SCFD2: variants seen among roughly 807,000 people sequenced by gnomAD.
SCFD2 encodes sec1 family domain-containing protein 2.
SCFD2 carries 54 observed loss-of-function variants against 58.9 expected under a neutral mutation model. That is an observed-to-expected ratio of 0.92 (90% CI 0.74 to 1.15). The LOEUF is 1.15. SCFD2 is among the 50% of genes most tolerant of loss of function. SCFD2 has a pLI of 0.00. For missense variants in SCFD2, 805 were observed against 836.6 expected, an observed-to-expected ratio of 0.96 and a Z score of 0.47; for synonymous variants, 321 against 335.9, an observed-to-expected ratio of 0.96 and a Z score of 0.49.
intron 4 of SCFD2, among the ~76,000 whole-genome samples, chr4:53,249,066 A>G (rs1187927323): frequency 2.0e-5 from 3 of 152,212 alleles, no homozygotes. Flanking sequence ...AAAAAAATTT[A>G]GACGATTGTA....
chr4:53,036,111 C>T (rs1408301525), intron 5 of SCFD2, among the ~76,000 whole-genome samples: 2 of 151,440 alleles, frequency 1.3e-5, no homozygotes, highest in Non-Finnish European at 2.9e-5. Flanking sequence ...GCACAATGTG[C>T]AGGTTTGTTA....
chr4:53,279,554 G>T (rs942939658), intron 3 of SCFD2, among the ~76,000 whole-genome samples: 3 of 152,254 alleles, frequency 2.0e-5, no homozygotes, highest in Non-Finnish European at 4.4e-5. Context: ...TGGGTAAAAG[G>T]TTACAGATTT....
chr4:53,182,937 C>A (rs1436285135), intron 4 of SCFD2, among the ~76,000 whole-genome samples: 1 of 152,130 alleles, frequency 6.6e-6, no homozygotes, highest in East Asian at 1.9e-4. Context: ...GAATGCAAAT[C>A]AAAACCACAA....
intron 4 of SCFD2, among the ~76,000 whole-genome samples, chr4:53,262,207 G>T (rs1353072698): frequency 1.3e-5 from 2 of 152,088 alleles, no homozygotes; most frequent in South Asian, 4.2e-4. Context: ...TATCCATTCT[G>T]CCATATTGTA....
intron 5 of SCFD2, among the ~76,000 whole-genome samples, chr4:53,114,869 T>C (rs1725276733): frequency 1.3e-5 from 2 of 152,118 alleles, no homozygotes; most frequent in South Asian, 4.1e-4. Context: ...GATTTAGAGA[T>C]ATATGAGTAA....
At chr4:53,218,762 T>C (rs567790842) in intron 4 of SCFD2, among the ~76,000 whole-genome samples, 2 of 152,280 alleles carry the variant, frequency 1.3e-5, no homozygotes, top group East Asian at 3.9e-4. Context: ...TTTTTCCCCA[T>C]CTTTGTGGTT....
intron 5 of SCFD2, among the ~76,000 whole-genome samples, chr4:52,978,137 AAGG>A (rs1306393486): frequency 6.6e-6 from 1 of 152,210 alleles, no homozygotes; most frequent in African/African-American, 2.4e-5. Context: ...CATGGAATGA[AAGG>A]AGAATTGTGG....
chr4:52,952,865 G>A (rs1720633087), intron 5 of SCFD2, among the ~76,000 whole-genome samples: 1 of 152,178 alleles, frequency 6.6e-6, no homozygotes, highest in Admixed American at 6.5e-5. Context: ...ATCTTCATGT[G>A]ACTGAACCAT....
chr4:53,255,777 C>G (rs1047873812), intron 4 of SCFD2, among the ~76,000 whole-genome samples: 1 of 151,762 alleles, frequency 6.6e-6, no homozygotes, highest in Non-Finnish European at 1.5e-5. Context: ...CCTCACTTCC[C>G]AGTAGGGGCG....
chr4:53,313,654 G>T lies in SCFD2; in HGVS notation c.1117C>A (p.Pro373Thr). The T allele has an allele frequency of 1.2e-6, 2 of 1,613,940 alleles. No individual in the cohort carries two copies. The highest frequency in any genetic ancestry group is 1.7e-6 in the Non-Finnish European group (2 of 1,179,882). ...GGCTTACCCATACTCATCTTGATTG[G>T]CAGGTTTTCTCTGCTTGCCGCTTCC... The part of the protein sequence containing the change: ...LVEAASRENL[P>T]IKMSMGRVTP... Residue 373 changes from proline (P) to threonine (T), a missense_variant, in exon 3 of 9, where the codon CCA becomes ACA. Pro to Thr is a conservative substitution (Grantham distance 38). Coordinates refer to ENST00000401642, the MANE Select transcript of SCFD2 (RefSeq NM_152540.4).
chr4:53,273,924 C>T lies in SCFD2; in HGVS notation c.1213G>A (p.Gly405Ser), dbSNP rs747677705. ...GTGGCCAGTCCAAGCTGGAGGAGGCCACAATGATTCATTAGAGCTTTGAGG... is the reference window on the plus strand; with the variant it reads ...GTGGCCAGTCCAAGCTGGAGGAGGCTACAATGATTCATTAGAGCTTTGAGG... ...NNLKALMNHC[G>S]LLQLGLATAQ... The change falls in exon 4 of 9, where the codon GGC becomes AGC. Residue 405 changes from glycine (G) to serine (S), a missense_variant. Transcript: ENST00000401642. 36 of 1,613,830 alleles carry T rather than the reference C, an allele frequency of 2.2e-5. 1 individual carries two copies. The South Asian group carries it at 3.8e-4, about 17-fold the overall frequency.
chr4:53,083,417 A>C (rs552335547), intron 5 of SCFD2, among the ~76,000 whole-genome samples: 1 of 152,296 alleles, frequency 6.6e-6, no homozygotes, highest in East Asian at 1.9e-4. Context: ...TTTTTTAAAA[A>C]AAGAAGGAGG....
intron 4 of SCFD2, among the ~76,000 whole-genome samples, chr4:53,224,983 T>C (rs2148999046): frequency 6.6e-6 from 1 of 152,290 alleles, no homozygotes; most frequent in South Asian, 2.1e-4. Flanking sequence ...AAAAATATTC[T>C]TCAATAACTT....
rs527677998 is a variant in SCFD2, at chr4:53,089,108, C to CA, written c.1561+56224dup. 3.7e-4 allele frequency among the ~76,000 whole-genome samples: 57 copies of CA among 152,268 alleles called. No homozygotes were observed. The East Asian group carries it at 9.7e-3, about 26-fold the overall frequency. On this transcript the variant is annotated intron_variant, in intron 5 of 8. Transcript: ENST00000401642. ...GCTGGCACTTTGATATAGGAATTCCCAGTCTCCAGAACTGTGAGAAATAAA... is the reference window on the plus strand; with the variant it reads ...GCTGGCACTTTGATATAGGAATTCCCAAGTCTCCAGAACTGTGAGAAATAAA...
chr4:53,142,618 A>G (rs565083363), intron 5 of SCFD2, among the ~76,000 whole-genome samples: 8 of 152,348 alleles, frequency 5.3e-5, no homozygotes, highest in African/African-American at 1.9e-4. Context: ...ATACTGGGAT[A>G]TCCTTTCCTA....
chr4:53,342,705 G>A (rs1412520101), intron 2 of SCFD2, among the ~76,000 whole-genome samples: 1 of 152,126 alleles, frequency 6.6e-6, no homozygotes, highest in East Asian at 1.9e-4. Context: ...CACAAAGTTG[G>A]AAGTAAAGCA....
At chr4:53,191,832 G>A (rs1246067031) in intron 4 of SCFD2, among the ~76,000 whole-genome samples, 3 of 152,178 alleles carry the variant, frequency 2.0e-5, no homozygotes, top group African/African-American at 7.2e-5. Context: ...GGGGCTTCCT[G>A]GATGCAAAAA....
intron 2 of SCFD2, among the ~76,000 whole-genome samples, chr4:53,331,992 T>C (rs1447752314): frequency 2.0e-5 from 3 of 151,810 alleles, no homozygotes; most frequent in Admixed American, 6.6e-5. Context: ...AACTAGAAAA[T>C]CTAGAAGAAA....
At chr4:53,213,101 T>C (rs1435453681) in intron 4 of SCFD2, among the ~76,000 whole-genome samples, 3 of 152,102 alleles carry the variant, frequency 2.0e-5, no homozygotes, top group East Asian at 3.8e-4. Context: ...TTTCTAGCAA[T>C]GATAATCACG....
Sources: allele counts gnomAD v4.1 joint callset (sites outside exome capture counted in the v4.1 genomes callset), GRCh38; gene constraint gnomAD v4.1.1; transcripts MANE v1.5; gene names NCBI Gene and HGNC (gene_info 2026-07-23, HGNC 2026-07-21).